OTUD7B: variants seen among roughly 807,000 people sequenced by gnomAD.
OTUD7B encodes the protein OTU domain-containing protein 7B.
In OTUD7B, 34 loss-of-function variants were observed where a neutral mutation model predicts 82.2. That is an observed-to-expected ratio of 0.41 (90% CI 0.31 to 0.55). OTUD7B has a LOEUF of 0.55. Ranked by LOEUF, OTUD7B falls within the 20% of genes least tolerant of loss-of-function variation. The pLI, the probability that OTUD7B is intolerant of heterozygous loss-of-function variation, is 0.20. For missense variants in OTUD7B, 944 were observed against 1,062.1 expected, an observed-to-expected ratio of 0.89 and a Z score of 1.55; for synonymous variants, 398 against 402.7, an observed-to-expected ratio of 0.99 and a Z score of 0.14.
At chr1:150,022,329 C>T in the OTUD7B span, among the ~76,000 whole-genome samples, 1 of 143,390 alleles carries the variant, frequency 7.0e-6, no homozygotes, top group Non-Finnish European at 1.5e-5. Context: ...AACCGGGAGG[C>T]AGAGGTTGTG....
the OTUD7B span, among the ~76,000 whole-genome samples, chr1:150,032,767 C>A: frequency 6.6e-6 from 1 of 152,140 alleles, no homozygotes; most frequent in Non-Finnish European, 1.5e-5. Flanking sequence ...TTTTAAAATT[C>A]TTCAACAGTA....
chr1:150,013,247 C>T (rs1345082341), upstream of OTUD7B, among the ~76,000 whole-genome samples: 1 of 152,144 alleles, frequency 6.6e-6, no homozygotes, highest in African/African-American at 2.4e-5. Context: ...CTCGTCTTAG[C>T]AATTCTAAGG....
At chr1:150,062,769 A>G in the OTUD7B span, among the ~76,000 whole-genome samples, 1,085 of 139,180 alleles carry the variant, frequency 7.8e-3, 34 homozygotes, top group Admixed American at 0.074. Context: ...CTGGACTGCA[A>G]TGGCGCGCGA....
the OTUD7B span, among the ~76,000 whole-genome samples, chr1:150,049,518 T>C: frequency 3.3e-5 from 5 of 152,122 alleles, no homozygotes; most frequent in African/African-American, 9.7e-5. Context: ...TTTCTGGGCA[T>C]AGGCATGGAT....
the OTUD7B span, among the ~76,000 whole-genome samples, chr1:150,041,268 C>T: frequency 7.3e-3 from 1,117 of 152,166 alleles, 11 homozygotes; most frequent in Non-Finnish European, 0.012. Context: ...CATTAGTATG[C>T]TTTTAAAATC....
the OTUD7B span, among the ~76,000 whole-genome samples, chr1:150,041,127 T>G: frequency 2.6e-5 from 4 of 152,178 alleles, no homozygotes; most frequent in Non-Finnish European, 5.9e-5. Flanking sequence ...TATTGTGCTC[T>G]TTTTCTTCTT....
chr1:150,032,924 C>T, the OTUD7B span, among the ~76,000 whole-genome samples: 1 of 152,188 alleles, frequency 6.6e-6, no homozygotes, highest in African/African-American at 2.4e-5. Flanking sequence ...TGTCTTCACA[C>T]ATATACTTTA....
the OTUD7B span, chr1:150,055,039 TC>T: frequency 2.4e-5 from 2 of 83,646 alleles, no homozygotes; most frequent in Non-Finnish European, 2.2e-5. Flanking sequence ...GTTCTAAATT[TC>T]CTTTTTTTTT....
chr1:150,011,554 T>C (rs188282356), upstream of OTUD7B, among the ~76,000 whole-genome samples: 183 of 152,334 alleles, frequency 1.2e-3, no homozygotes, highest in East Asian at 9.6e-4. Flanking sequence ...TATGAGAACA[T>C]AATAAGCCAT....
the OTUD7B span, among the ~76,000 whole-genome samples, chr1:150,045,893 AG>A: frequency 6.6e-6 from 1 of 152,254 alleles, no homozygotes; most frequent in African/African-American, 2.4e-5. Context: ...TTTATAAAAA[AG>A]AGACACAAGC....
intron 1 of OTUD7B, among the ~76,000 whole-genome samples, chr1:149,998,569 A>C (rs1447794193): frequency 1.3e-5 from 2 of 152,236 alleles, no homozygotes; most frequent in Non-Finnish European, 2.9e-5. Context: ...CTAGATTACC[A>C]TAAAGGTAAA....
At chr1:150,031,351 CT>C in the OTUD7B span, among the ~76,000 whole-genome samples, 1 of 152,138 alleles carries the variant, frequency 6.6e-6, no homozygotes, top group African/African-American at 2.4e-5. Flanking sequence ...GAGCCTGTTA[CT>C]TTCCCTTCTA....
intron 5 of OTUD7B, among the ~76,000 whole-genome samples, chr1:149,965,021 T>C (rs1649433541): frequency 6.6e-6 from 1 of 151,296 alleles, no homozygotes; most frequent in Admixed American, 6.6e-5. Context: ...GCCTCCCTAG[T>C]AGCTGGGATT....
At chr1:149,965,471 C>T (rs1194522313) in intron 5 of OTUD7B, among the ~76,000 whole-genome samples, 2 of 152,202 alleles carry the variant, frequency 1.3e-5, no homozygotes, top group Non-Finnish European at 2.9e-5. Context: ...TAGAATTGTA[C>T]ACATACACAC....
intron 2 of OTUD7B, among the ~76,000 whole-genome samples, chr1:149,976,349 C>T (rs1252669222): frequency 3.9e-5 from 6 of 151,996 alleles, no homozygotes; most frequent in African/African-American, 1.4e-4. Flanking sequence ...GTGGCTCATG[C>T]CTGAAATCCC....
chr1:150,043,032 G>A, the OTUD7B span, among the ~76,000 whole-genome samples: 1 of 152,172 alleles, frequency 6.6e-6, no homozygotes, highest in African/African-American at 2.4e-5. Flanking sequence ...TGTATTCAGA[G>A]ATACATTTCC....
chr1:149,955,091 G>A (rs1166984013), intron 7 of OTUD7B, among the ~76,000 whole-genome samples: 1 of 152,016 alleles, frequency 6.6e-6, no homozygotes, highest in Non-Finnish European at 1.5e-5. Context: ...GCTAGCTTTT[G>A]AATGTTTGCT....
the OTUD7B span, among the ~76,000 whole-genome samples, chr1:150,052,816 C>CA: frequency 2.5e-3 from 24 of 9,450 alleles, no homozygotes; most frequent in African/African-American, 2.9e-3. Context: ...CAAACGAAAA[C>CA]AAAAAACAAA....
chr1:150,011,226 A>G (rs1179590684), upstream of OTUD7B, among the ~76,000 whole-genome samples: 2 of 152,118 alleles, frequency 1.3e-5, no homozygotes, highest in Admixed American at 1.3e-4. Flanking sequence ...TAAACACTTA[A>G]TATTTATTTA....
Sources: allele counts gnomAD v4.1 joint callset (sites outside exome capture counted in the v4.1 genomes callset), GRCh38; gene constraint gnomAD v4.1.1; transcripts MANE v1.5; gene names NCBI Gene and HGNC (gene_info 2026-07-23, HGNC 2026-07-21).